PTPRD: variants seen among roughly 807,000 people sequenced by gnomAD.
The protein encoded by PTPRD is protein tyrosine phosphatase receptor type D.
PTPRD carries 34 observed loss-of-function variants against 214.5 expected under a neutral mutation model. The ratio of observed to expected loss-of-function variants is 0.16; its 90% confidence interval spans 0.12 to 0.21. PTPRD has a LOEUF of 0.21. PTPRD is among the 10% of genes least tolerant of loss of function. The pLI, the probability that PTPRD is intolerant of heterozygous loss-of-function variation, is 1.00. For synonymous variants in PTPRD, 1,128 were observed against 845.7 expected, an observed-to-expected ratio of 1.33 and a Z score of -5.79; for missense variants, 2,545 against 2,398.7, an observed-to-expected ratio of 1.06 and a Z score of -1.27.
At chr9:10,364,226 C>T (rs1269116543) in intron 2 of PTPRD, among the ~76,000 whole-genome samples, 1 of 152,022 alleles carries the variant, frequency 6.6e-6, no homozygotes, top group African/African-American at 2.4e-5. Flanking sequence ...TGGTCTCGAT[C>T]TCCTGACCTC....
intron 10 of PTPRD, among the ~76,000 whole-genome samples, chr9:9,162,368 C>A (rs2099891417): frequency 6.6e-6 from 1 of 152,152 alleles, no homozygotes; most frequent in Admixed American, 6.6e-5. Context: ...CTTCTCAAAT[C>A]TTCAGTTCAT....
intron 10 of PTPRD, among the ~76,000 whole-genome samples, chr9:9,144,380 C>T (rs188890718): frequency 6.6e-5 from 10 of 152,190 alleles, no homozygotes; most frequent in Admixed American, 3.9e-4. Context: ...CAATAAAATC[C>T]GAAATAGTTC....
intron 3 of PTPRD, among the ~76,000 whole-genome samples, chr9:10,061,709 A>T (rs2097780123): frequency 6.6e-6 from 1 of 152,124 alleles, no homozygotes; most frequent in South Asian, 2.1e-4. Flanking sequence ...GACAAGAAAC[A>T]TTCTTTTTCA....
At chr9:9,702,119 CAAAA>C (rs1041540363) in intron 7 of PTPRD, among the ~76,000 whole-genome samples, 3 of 151,404 alleles carry the variant, frequency 2.0e-5, no homozygotes, top group African/African-American at 7.3e-5. Flanking sequence ...GACTCCGTCT[CAAAA>C]GAAAGAGAGA....
intron 3 of PTPRD, among the ~76,000 whole-genome samples, chr9:10,066,588 G>T (rs1313282345): frequency 6.6e-6 from 1 of 151,688 alleles, no homozygotes. Flanking sequence ...GCCTCCATGG[G>T]GGGACTTCCT....
At chr9:8,713,547 G>A (rs899478600) in intron 12 of PTPRD, 10 of 1,336,692 alleles carry the variant, frequency 7.5e-6, no homozygotes, top group South Asian at 3.5e-5. Context: ...AGAACTTCGG[G>A]ATCTGGCTGC....
chr9:8,857,935 C>G (rs867551256), intron 11 of PTPRD, among the ~76,000 whole-genome samples: 2 of 150,140 alleles, frequency 1.3e-5, no homozygotes, highest in Admixed American at 6.6e-5. Flanking sequence ...ACCCCTACCC[C>G]CTTTTCCTCC....
At chr9:10,360,686 G>C (rs1022033967) in intron 2 of PTPRD, among the ~76,000 whole-genome samples, 1 of 151,988 alleles carries the variant, frequency 6.6e-6, no homozygotes, top group African/African-American at 2.4e-5. Flanking sequence ...CCCCCCAAAA[G>C]CTTTATTTAG....
chr9:10,260,031 T>C (rs1043107902), intron 3 of PTPRD, among the ~76,000 whole-genome samples: 1 of 152,206 alleles, frequency 6.6e-6, no homozygotes, highest in Non-Finnish European at 1.5e-5. Flanking sequence ...TAGTCCTTTG[T>C]GGTGGTTGTA....
intron 11 of PTPRD, among the ~76,000 whole-genome samples, chr9:8,785,680 T>C (rs999493915): frequency 1.3e-5 from 2 of 152,160 alleles, no homozygotes; most frequent in Non-Finnish European, 2.9e-5. Context: ...ACTGAAGCCA[T>C]ATAAAAGTAC....
At chr9:9,216,578 C>T (rs1391340975) in intron 9 of PTPRD, among the ~76,000 whole-genome samples, 1 of 152,076 alleles carries the variant, frequency 6.6e-6, no homozygotes, top group Non-Finnish European at 1.5e-5. Context: ...AGTGAAAGCT[C>T]AAGGCAGCTG....
chr9:9,984,886 C>A (rs2095657173), intron 4 of PTPRD, among the ~76,000 whole-genome samples: 1 of 152,092 alleles, frequency 6.6e-6, no homozygotes, highest in Non-Finnish European at 1.5e-5. Context: ...CACTCCTGAC[C>A]AACCATGCAC....
chr9:8,411,990 G>T (rs7867053), intron 35 of PTPRD, among the ~76,000 whole-genome samples: 125,578 of 152,198 alleles, frequency 0.83, 51,831 homozygotes, highest in Middle Eastern at 0.88. Flanking sequence ...GTATTAGAAA[G>T]TTATTAAACT....
chr9:9,439,088 A>G (rs1414118978), intron 8 of PTPRD, among the ~76,000 whole-genome samples: 5 of 152,182 alleles, frequency 3.3e-5, no homozygotes, highest in South Asian at 2.1e-4. Context: ...CCTTTCAAAG[A>G]TAAGAATTCA....
At chr9:9,664,371 C>T (rs964971390) in intron 7 of PTPRD, among the ~76,000 whole-genome samples, 3 of 151,534 alleles carry the variant, frequency 2.0e-5, no homozygotes, top group Non-Finnish European at 4.4e-5. Flanking sequence ...CTGCTTCAGC[C>T]TTTGTTAAGA....
intron 30 of PTPRD, among the ~76,000 whole-genome samples, chr9:8,479,439 C>T (rs2096834654): frequency 6.6e-6 from 1 of 152,254 alleles, no homozygotes; most frequent in South Asian, 2.1e-4. Flanking sequence ...TCTTTTTCTG[C>T]TTTGTAATGG....
At chr9:8,775,692 C>T (rs1599411414) in intron 11 of PTPRD, among the ~76,000 whole-genome samples, 1 of 152,082 alleles carries the variant, frequency 6.6e-6, no homozygotes, top group African/African-American at 2.4e-5. Context: ...TTTCTAAGAT[C>T]CAATAACCTG....
intron 9 of PTPRD, among the ~76,000 whole-genome samples, chr9:9,290,990 CTAA>C (rs1950976714): frequency 6.6e-6 from 1 of 151,348 alleles, no homozygotes; most frequent in Non-Finnish European, 1.5e-5. Context: ...TAAGACCACA[CTAA>C]TAATAGCAAA....
At chr9:8,736,238 T>G (rs2090343141) in intron 11 of PTPRD, among the ~76,000 whole-genome samples, 1 of 152,158 alleles carries the variant, frequency 6.6e-6, no homozygotes, top group Admixed American at 6.5e-5. Flanking sequence ...ATTCTTCACG[T>G]GTTAAATAAT....
Sources: gnomAD v4.1 joint callset for allele counts (sites outside exome capture counted in the v4.1 genomes callset) on GRCh38, gnomAD v4.1.1 for gene constraint, MANE v1.5 for transcripts, NCBI Gene and HGNC (gene_info 2026-07-23, HGNC 2026-07-21) for gene names.